The following DDX10 variants were observed in gnomAD, a reference collection of about 807,000 sequenced individuals.
The protein encoded by DDX10 is DEAD-box helicase 10, also known as probable ATP-dependent RNA helicase DDX10.
In DDX10, 74 loss-of-function variants were observed where a neutral mutation model predicts 104.3. The ratio of observed to expected loss-of-function variants is 0.71; its 90% CI spans 0.59 to 0.86. The LOEUF is 0.86. Among genes scored for constraint, DDX10 ranks in the 40% least tolerant of loss-of-function variants. The pLI, the probability that DDX10 is intolerant of heterozygous loss-of-function variation, is 0.00. For synonymous variants in DDX10, 351 were observed against 353.4 expected (o/e 0.99, Z 0.08); for missense variants, 952 against 1,040.0 (o/e 0.92, Z 1.16).
At chr11:108,747,820 ATG>A (rs2094333696) in intron 13 of DDX10, among the ~76,000 whole-genome samples, 1 of 152,158 alleles carries the variant, frequency 6.6e-6, no homozygotes. Context: ...TGGAAACATT[ATG>A]ACCCTAAAGT....
chr11:108,931,657 A>G (rs542544503), intron 17 of DDX10, among the ~76,000 whole-genome samples: 28 of 152,316 alleles, frequency 1.8e-4, no homozygotes, highest in African/African-American at 5.8e-4. Context: ...TCTTCCAAAT[A>G]TACTGAGTTA....
chr11:108,684,208 T>C (rs547347768), intron 6 of DDX10, among the ~76,000 whole-genome samples: 1 of 137,598 alleles, frequency 7.3e-6, no homozygotes, highest in South Asian at 2.6e-4. Context: ...TTTTTTATTA[T>C]ACTCTTAAGT....
intron 13 of DDX10, among the ~76,000 whole-genome samples, chr11:108,751,900 C>T (rs986984201): frequency 2.0e-5 from 3 of 151,740 alleles, no homozygotes; most frequent in Non-Finnish European, 2.9e-5. Flanking sequence ...CACTGGAAGG[C>T]TTTAAAGAGG....
intron 13 of DDX10, among the ~76,000 whole-genome samples, chr11:108,799,405 T>A (rs1715054072): frequency 6.6e-6 from 1 of 152,242 alleles, no homozygotes; most frequent in Non-Finnish European, 1.5e-5. Context: ...CTTCCTGTGA[T>A]ACCATATTCT....
rs550268621 is a variant in DDX10 at position 108,917,924 on chromosome 11, G to A, written c.2356G>A (p.Asp786Asn). The A allele has an allele frequency of 3.7e-6, 6 of 1,613,024 alleles. No individual in the cohort carries two copies. In the East Asian group the frequency reaches 8.9e-5, roughly 24 times the overall value. Reference protein sequence around the residue: ...FLDWSDDDDDDDDGFDPSTLP... With the variant: ...FLDWSDDDDDNDDGFDPSTLP... ...GGATTGGAGTGATGATGATGATGAT[G>A]ATGATGATGGATTTGATCCAAGCAC... Residue 786 changes from aspartate (D) to asparagine (N), a missense_variant, in exon 17 of 18, where the codon GAT becomes AAT. Physicochemically the swap from Asp to Asn is conservative, Grantham distance 23. This residue lies in a region of DDX10 where 533 missense variants were observed against 534.1 expected (regional missense o/e 1.00). Coordinates refer to ENST00000322536, the MANE Select transcript of DDX10 (RefSeq NM_004398.4).
At chr11:108,710,962 A>T (rs1380107450) in intron 10 of DDX10, among the ~76,000 whole-genome samples, 1 of 152,208 alleles carries the variant, frequency 6.6e-6, no homozygotes, top group Non-Finnish European at 1.5e-5. Context: ...ACAAGGTCTC[A>T]CTATGTTGCT....
intron 13 of DDX10, among the ~76,000 whole-genome samples, chr11:108,762,650 G>A (rs1350035771): frequency 6.6e-6 from 1 of 152,104 alleles, no homozygotes; most frequent in Admixed American, 6.6e-5. Flanking sequence ...AGGCAAGGTG[G>A]ATCACATTGG....
intron 17 of DDX10, among the ~76,000 whole-genome samples, chr11:108,923,296 C>T (rs1863858728): frequency 6.6e-6 from 1 of 152,106 alleles, no homozygotes; most frequent in African/African-American, 2.4e-5. Flanking sequence ...TTTTGAGGAA[C>T]CAAGACCTCA....
At chr11:108,916,007 AT>A (rs1183888957) in intron 16 of DDX10, among the ~76,000 whole-genome samples, 1 of 150,872 alleles carries the variant, frequency 6.6e-6, no homozygotes, top group Non-Finnish European at 1.5e-5. Flanking sequence ...CATAAAATAT[AT>A]TTTTATTTAA....
rs143677596 is a variant in DDX10, at chr11:108,718,623, G to A, written c.1411-1174G>A. On this transcript the variant is annotated intron_variant, in intron 11 of 17. Transcript: ENST00000322536. ...ACTGGTTTGTGCATACAACGGATGAGCCTTCCAGAACACTGATTATAGAAA... is the reference window on the plus strand; with the variant it reads ...ACTGGTTTGTGCATACAACGGATGAACCTTCCAGAACACTGATTATAGAAA... Among the ~76,000 whole-genome samples, 509 of 152,330 alleles carry A rather than the reference G, an allele frequency of 3.3e-3. 5 individuals carry two copies. The highest frequency in any genetic ancestry group is 0.012 in the African/African-American group (489 of 41,574).
intron 16 of DDX10, among the ~76,000 whole-genome samples, chr11:108,908,553 G>C (rs145594624): frequency 3.2e-4 from 48 of 152,290 alleles, no homozygotes; most frequent in African/African-American, 1.0e-3. Context: ...ACGTAATAAA[G>C]ATAATTCTCT....
At chr11:108,670,042 TG>T (rs1241711715) in intron 1 of DDX10, among the ~76,000 whole-genome samples, 1 of 152,238 alleles carries the variant, frequency 6.6e-6, no homozygotes, top group Non-Finnish European at 1.5e-5. Flanking sequence ...AGCCACTATT[TG>T]TGGTAATTTA....
intron 6 of DDX10, among the ~76,000 whole-genome samples, chr11:108,687,210 C>T (rs541303722): frequency 6.6e-6 from 1 of 152,354 alleles, no homozygotes; most frequent in African/African-American, 2.4e-5. Flanking sequence ...TTGGTGTCGT[C>T]ACTGTTCTGG....
At chr11:108,937,952 C>G (rs1056840922) in intron 17 of DDX10, among the ~76,000 whole-genome samples, 3 of 152,116 alleles carry the variant, frequency 2.0e-5, no homozygotes, top group Non-Finnish European at 4.4e-5. Context: ...AATCTAAGTC[C>G]CACAGAAGTG....
At chr11:108,883,995 G>A (rs989444973) in intron 16 of DDX10, among the ~76,000 whole-genome samples, 8 of 152,066 alleles carry the variant, frequency 5.3e-5, no homozygotes, top group Admixed American at 3.9e-4. Flanking sequence ...TTTCCTCTCT[G>A]TCTTCACTTG....
At position 108,740,180 on chromosome 11, in the gene DDX10, C is replaced by G. The variant is rs574286388; in HGVS notation, c.1965+16718C>G. Among the ~76,000 whole-genome samples, 4 of 152,118 alleles carry G rather than the reference C, an allele frequency of 2.6e-5. No individual in the cohort carries two copies. In the East Asian group the frequency reaches 7.7e-4, roughly 29 times the overall value. The stretch of plus-strand genomic sequence containing the variant: ...AGGCCCCTGTGTCTCTTGTTGCCTT[C>G]AGATCCATATGTACTCAATGTTTAA... On this transcript the variant is annotated intron_variant, in intron 13 of 17. Coordinates refer to ENST00000322536, the MANE Select transcript of DDX10 (RefSeq NM_004398.4).
At chr11:108,695,869 C>T (rs1046160902) in intron 9 of DDX10, among the ~76,000 whole-genome samples, 6 of 151,040 alleles carry the variant, frequency 4.0e-5, no homozygotes, top group Non-Finnish European at 5.9e-5. Flanking sequence ...TTTTGACCAG[C>T]ATGAAAGAAG....
chr11:108,829,685 G>A (rs1741084860), intron 13 of DDX10, among the ~76,000 whole-genome samples: 2 of 152,122 alleles, frequency 1.3e-5, no homozygotes, highest in South Asian at 2.1e-4. Flanking sequence ...GGGTTTTTCC[G>A]ATGTTATCTT....
At chr11:108,686,825 C>T (rs939628985) in intron 6 of DDX10, among the ~76,000 whole-genome samples, 4 of 152,296 alleles carry the variant, frequency 2.6e-5, no homozygotes, top group Non-Finnish European at 2.9e-5. Context: ...TGCTCTGTCG[C>T]CCAGGCTGGA....
Sources: gnomAD v4.1 joint callset for allele counts (sites outside exome capture counted in the v4.1 genomes callset) on GRCh38, gnomAD v4.1.1 for gene constraint, gnomAD v4.1.1 regional missense constraint, MANE v1.5 for transcripts, NCBI Gene and HGNC (gene_info 2026-07-23, HGNC 2026-07-21) for gene names.